Variants in NLRP3 observed in about 807,000 individuals in gnomAD.
NLRP3 encodes NLR family pyrin domain containing 3, also known as NACHT, LRR and PYD domains-containing protein 3.
NLRP3 carries 48 observed loss-of-function variants against 91.3 expected under a neutral mutation model. The observed-to-expected ratio is 0.53, with a 90% confidence interval of 0.42 to 0.67. The LOEUF (loss-of-function observed/expected upper bound fraction) is 0.67, where lower values mean the gene tolerates loss of function less well. NLRP3 is among the 30% of genes least tolerant of loss of function. NLRP3 has a pLI of 0.00. For missense variants in NLRP3, 982 were observed against 1,276.9 expected (o/e 0.77, Z 3.52); for synonymous variants, 561 against 507.9 (o/e 1.10, Z -1.41).
Position 247,425,378 on chromosome 1 carries a change from G to A in NLRP3, c.1929G>A (p.Arg643=). 6.2e-7 allele frequency: 1 copy of A among 1,614,150 alleles called. No individual in the cohort carries two copies. Among genetic ancestry groups the A allele is most frequent in the South Asian group, 1.1e-5 (1 of 91,080 alleles). ...TGCAGGAGGAGGACTTCGTGCAAAG[G>A]GCCATGGACTATTTCCCCAAGATTG... The part of the protein sequence containing the change: ...YEMQEEDFVQ[R]AMDYFPKIEI... Residue 643 remains arginine (R), a synonymous_variant, in exon 4 of 10, where the codon AGG becomes AGA. Transcript: ENST00000336119. This position sits in a 1 kb window ranked among gnomAD's most constrained non-coding sequence, Gnocchi z 4.1.
intron 4 of NLRP3, among the ~76,000 whole-genome samples, chr1:247,429,265 C>T (rs910796750): frequency 6.6e-6 from 1 of 152,056 alleles, no homozygotes; most frequent in Non-Finnish European, 1.5e-5. Context: ...TCTGATCACC[C>T]AGCACAGAAC....
intron 9 of NLRP3, among the ~76,000 whole-genome samples, chr1:247,446,806 C>T (rs1664615569): frequency 6.6e-6 from 1 of 152,166 alleles, no homozygotes; most frequent in African/African-American, 2.4e-5. Flanking sequence ...GGACTTCTGT[C>T]CATATTAATG....
At chr1:247,434,316 C>G (rs199943433) in intron 6 of NLRP3, 43 bp downstream of exon 6, 6 of 1,609,406 alleles carry the variant, frequency 3.7e-6, no homozygotes. Flanking sequence ...GCCAGCGAGG[C>G]GTGCTGCGCA....
At position 247,423,177 on chromosome 1, in the gene NLRP3, G is replaced by A. The variant is rs1274091581; in HGVS notation, c.278-53G>A. On this transcript the variant is annotated intron_variant, in intron 2 of 9. Transcript: ENST00000336119. ...CCAAATATTAGGCCAGGTTTCAATT[G>A]CATCCTCTGTGATAATAGTTCTGGG... 9 of 1,611,862 alleles carry A rather than the reference G, an allele frequency of 5.6e-6. No homozygotes were observed. In the Admixed American group the frequency reaches 1.3e-4, roughly 24 times the overall value.
At position 247,425,676 on chromosome 1, in the gene NLRP3, C is replaced by G. The variant is rs1298480596; in HGVS notation, c.2150+77C>G. 103 of 1,333,954 alleles carry G rather than the reference C, an allele frequency of 7.7e-5. No homozygotes were observed. The highest frequency in any genetic ancestry group is 1.0e-4 in the Non-Finnish European group (99 of 943,402). 82.6% of individuals were successfully genotyped at this position (1,333,954 alleles called of 1,614,324 possible). ...TCTTGGCGCTTGCCTCCTCTCATCT[C>G]TTTTCAACTATCTTCCAAATACTGT... On this transcript the variant is annotated intron_variant, in intron 4 of 9. Coordinates refer to ENST00000336119, the MANE Select transcript of NLRP3 (RefSeq NM_001243133.2). This position sits in a 1 kb window ranked among gnomAD's most constrained non-coding sequence, Gnocchi z 4.1.
Position 247,448,486 on chromosome 1 carries a change from C to A in NLRP3, c.3087C>A (p.Val1029=). The part of the protein sequence containing the change: ...LQEEKPELTV[V]FEPSW Reference sequence around the variant, plus strand: ...AAGAAAAGCCTGAGCTGACCGTCGTCTTTGAGCCTTCTTGGTAGGAGTGGA... The same window carrying A: ...AAGAAAAGCCTGAGCTGACCGTCGTATTTGAGCCTTCTTGGTAGGAGTGGA... Residue 1029 remains valine, a synonymous_variant, in exon 10 of 10, where the codon GTC becomes GTA. Coordinates refer to ENST00000336119, the MANE Select transcript of NLRP3 (RefSeq NM_001243133.2). 6.2e-7 allele frequency: 1 copy of A among 1,612,346 alleles called. No individual in the cohort carries two copies. The highest frequency in any genetic ancestry group is 8.5e-7 in the Non-Finnish European group (1 of 1,178,398).
chr1:247,448,006 T>TA (rs1664698951), intron 9 of NLRP3, among the ~76,000 whole-genome samples: 1 of 147,732 alleles, frequency 6.8e-6, no homozygotes, highest in Admixed American at 6.7e-5. Flanking sequence ...ATTGGGCACT[T>TA]AGAGCTTTTT....
chr1:247,444,531 C>A, intron 8 of NLRP3, 120 bp from the exon 9 acceptor site: 1 of 1,039,592 alleles, frequency 9.6e-7, no homozygotes, highest in Non-Finnish European at 1.5e-6. Context: ...GCTAGTTAGT[C>A]CTGTGCTCCT....
rs778304232 is a variant in NLRP3, at chr1:247,423,912, C to T, written c.463C>T (p.Arg155Cys). ...CCAGTGCATTGAAGACAGGAATGCCCGTCTGGGTGAGAGTGTGAGCCTCAA... is the reference window on the plus strand; with the variant it reads ...CCAGTGCATTGAAGACAGGAATGCCTGTCTGGGTGAGAGTGTGAGCCTCAA... ...RFQCIEDRNA[R>C]LGESVSLNKR... The change falls in exon 4 of 10, where the codon CGT becomes TGT. Residue 155 changes from arginine (R) to cysteine (C), a missense_variant. Around this residue, in one of 5 missense-constraint regions of NLRP3, gnomAD observed 548 missense variants for 713.7 expected, o/e 0.77. Coordinates refer to ENST00000336119, the MANE Select transcript of NLRP3 (RefSeq NM_001243133.2). The T allele has an allele frequency of 8.1e-6, 13 of 1,613,920 alleles. No individual in the cohort carries two copies. Among genetic ancestry groups the T allele is most frequent in the Middle Eastern group, 1.6e-4 (1 of 6,062 alleles).
Position 247,424,178 on chromosome 1 carries a change from G to C in NLRP3, c.729G>C (p.Ser243=), listed in dbSNP as rs147198684. Residue 243 remains serine (S), a synonymous_variant, in exon 4 of 10, where the codon TCG becomes TCC. Transcript: ENST00000336119. This position sits in a 1 kb window ranked among gnomAD's most constrained non-coding sequence, Gnocchi z 8.1. ...GGAAGATGATGTTGGACTGGGCGTC[G>C]GGGACACTCTACCAAGACAGGTTTG... ...LARKMMLDWA[S]GTLYQDRFDY... 1.2e-6 allele frequency: 2 copies of C among 1,613,854 alleles called. No homozygotes were observed. Among genetic ancestry groups the C allele is most frequent in the Non-Finnish European group, 1.7e-6 (2 of 1,179,994 alleles).
At chr1:247,439,895 A>C (rs1558205974) in intron 7 of NLRP3, among the ~76,000 whole-genome samples, 1 of 152,222 alleles carries the variant, frequency 6.6e-6, no homozygotes, top group Non-Finnish European at 1.5e-5. Context: ...ACAACTCTGC[A>C]AAAAGCACAT....
chr1:247,443,821 G>C lies in NLRP3; in HGVS notation c.2664-151G>C. 4 of 730,430 alleles carry C rather than the reference G, an allele frequency of 5.5e-6. No individual in the cohort carries two copies. The South Asian group carries it at 6.2e-5, about 11-fold the overall frequency. 45.2% of individuals were successfully genotyped at this position (730,430 alleles called of 1,614,324 possible). ...GTGACAGCCAGAGACAGCAGGTCTT[G>C]CTCTCCCCAGATCATATCTGAGATG... is the stretch of plus-strand genomic sequence containing the variant. On this transcript the variant is annotated intron_variant, in intron 7 of 9. Coordinates refer to ENST00000336119, the MANE Select transcript of NLRP3 (RefSeq NM_001243133.2).
At chr1:247,440,774 G>C (rs1490197819) in intron 7 of NLRP3, among the ~76,000 whole-genome samples, 1 of 152,096 alleles carries the variant, frequency 6.6e-6, no homozygotes, top group Non-Finnish European at 1.5e-5. Flanking sequence ...ACTGTGCCCA[G>C]CTATGAATTA....
At position 247,444,694 on chromosome 1, in the gene NLRP3, T is replaced by A; in HGVS notation, c.2878T>A (p.Ser960Thr). 1 of 1,614,104 alleles carries A rather than the reference T, an allele frequency of 6.2e-7. No individual in the cohort carries two copies. Among genetic ancestry groups the A allele is most frequent in the Non-Finnish European group, 8.5e-7 (1 of 1,180,018 alleles). ...NLTSHCCWDL[S>T]TLLTSSQSLR... ...CACGTCACACTGCTGCTGGGATCTT[T>A]CCACACTTCTGACCTCCAGCCAGAG... The change falls in exon 9 of 10, where the codon TCC becomes ACC. Residue 960 changes from serine (S) to threonine (T), a missense_variant. Ser to Thr is a moderately conservative substitution (Grantham distance 58, BLOSUM62 1). Coordinates refer to ENST00000336119, the MANE Select transcript of NLRP3 (RefSeq NM_001243133.2).
intron 4 of NLRP3, among the ~76,000 whole-genome samples, chr1:247,426,015 T>TG (rs1242192440): frequency 6.6e-6 from 1 of 152,232 alleles, no homozygotes; most frequent in South Asian, 2.1e-4. Context: ...AGCTGGAGGC[T>TG]GGGGGGATGT....
chr1:247,441,623 C>T (rs1284272518), intron 7 of NLRP3, among the ~76,000 whole-genome samples: 1 of 152,054 alleles, frequency 6.6e-6, no homozygotes, highest in South Asian at 2.1e-4. Context: ...GCAAGATATC[C>T]GTGCTTGGTA....
Position 247,418,691 on chromosome 1 carries a change from A to G in NLRP3, c.-110A>G. The G allele has an allele frequency of 2.3e-6, 3 of 1,292,978 alleles. No homozygotes were observed. Among genetic ancestry groups the G allele is most frequent in the South Asian group, 1.3e-5 (1 of 79,928 alleles). The allele number at this position is 1,292,978 out of a possible 1,614,324, so 80.1% of individuals were successfully genotyped here. A position where few individuals can be genotyped will look rare whatever the true frequency, so the allele number is the denominator to read the frequency against. ...GTTTGCTGAGTTTTTGATAATTTATATCTCTCAAAGTGGAGACTTTAAAAA... is the reference window on the plus strand; with the variant it reads ...GTTTGCTGAGTTTTTGATAATTTATGTCTCTCAAAGTGGAGACTTTAAAAA... On this transcript the variant is annotated 5_prime_UTR_variant, in exon 2 of 10. The change creates a new upstream start codon in the 5' untranslated region. Coordinates refer to ENST00000336119, the MANE Select transcript of NLRP3 (RefSeq NM_001243133.2).
intron 5 of NLRP3, among the ~76,000 whole-genome samples, chr1:247,431,280 G>A (rs1295267032): frequency 6.6e-6 from 1 of 152,130 alleles, no homozygotes; most frequent in Admixed American, 6.5e-5. Flanking sequence ...TGCCTGGGCC[G>A]CCTCACTAGC....
chr1:247,439,844 A>G (rs1664079044), intron 7 of NLRP3, among the ~76,000 whole-genome samples: 1 of 152,228 alleles, frequency 6.6e-6, no homozygotes, highest in Non-Finnish European at 1.5e-5. Context: ...ATTTAATCAA[A>G]TCATGCATTT....
Sources: gnomAD v4.1 joint callset for allele counts (sites outside exome capture counted in the v4.1 genomes callset) on GRCh38, gnomAD v4.1.1 for gene constraint, gnomAD v4.1.1 regional missense constraint, Gnocchi (gnomAD v3.1) non-coding constraint, MANE v1.5 for transcripts, NCBI Gene and HGNC (gene_info 2026-07-23, HGNC 2026-07-21) for gene names.